KLF16: variants seen among roughly 807,000 people sequenced by gnomAD.
KLF16 encodes the protein Krueppel-like factor 16.
In KLF16, 6 loss-of-function variants were observed where a neutral mutation model predicts 6.1. The ratio of observed to expected loss-of-function variants is 0.98; its 90% CI spans 0.54 to 1.93. The LOEUF is 1.93. Ranked by LOEUF, KLF16 falls within the 30% of genes most tolerant of loss-of-function variation. KLF16 has a pLI of 0.01. For missense variants in KLF16, 355 were observed against 363.8 expected, an observed-to-expected ratio of 0.98 and a Z score of 0.20; for synonymous variants, 211 against 176.5, an observed-to-expected ratio of 1.20 and a Z score of -1.55.
At chr19:1,866,075 T>C (rs1005113763), upstream of KLF16, among the ~76,000 whole-genome samples, 4 of 144,692 alleles carry the variant, frequency 2.8e-5, no homozygotes, top group African/African-American at 1.0e-4. Flanking sequence ...AGGCCAAGGC[T>C]GGCAGATCAC....
At chr19:1,865,094 G>T (rs892414941), upstream of KLF16, among the ~76,000 whole-genome samples, 3 of 152,220 alleles carry the variant, frequency 2.0e-5, no homozygotes, top group African/African-American at 7.2e-5. Context: ...GCTCAACCAT[G>T]CTTGGTTAAG....
upstream of KLF16, among the ~76,000 whole-genome samples, chr19:1,865,341 G>A (rs572290179): frequency 1.5e-4 from 23 of 152,348 alleles, no homozygotes; most frequent in Admixed American, 1.0e-3. Flanking sequence ...CTAGGACGAT[G>A]GGCCACTTGG....
Position 1,863,168 on chromosome 19 carries a change from C to CGGGGACGAGGCGGCTGAG in KLF16, c.312_329dup (p.Ala106_Ser111dup), listed in dbSNP as rs778766785. ...CGGCGCCGGGGGCGCGGCCCGAGGA[C>CGGGGACGAGGCGGCTGAG]GGGGACGAGGCGGCTGAGGAGGAGG... On this transcript the variant is annotated inframe_insertion, in exon 1 of 2. Transcript: ENST00000250916. 2.2e-4 allele frequency: 283 copies of CGGGGACGAGGCGGCTGAG among 1,269,572 alleles called. 3 individuals are homozygous for CGGGGACGAGGCGGCTGAG. Among genetic ancestry groups the CGGGGACGAGGCGGCTGAG allele is most frequent in the Non-Finnish European group, 5.0e-5 (50 of 991,570 alleles). The allele number at this position is 1,269,572 out of a possible 1,614,324, so 78.6% of individuals were successfully genotyped here.
rs964746988 is a variant in KLF16, at chr19:1,854,367, C to G, written c.*92G>C. On this transcript the variant is annotated 3_prime_UTR_variant, in exon 2 of 2. Coordinates refer to ENST00000250916, the MANE Select transcript of KLF16 (RefSeq NM_031918.4). The stretch of plus-strand genomic sequence containing the variant: ...CAGGGGTGTCTTCAGGGTTTGCCCA[C>G]GGCTGGAAGGGGCCCAGGCTCCCCG... The G allele has an allele frequency of 1.5e-5, 20 of 1,347,488 alleles. No individual in the cohort carries two copies. The highest frequency in any genetic ancestry group is 1.8e-5 in the Non-Finnish European group (19 of 1,054,712). The allele number at this position is 1,347,488 out of a possible 1,614,324, so 83.5% of individuals were successfully genotyped here. A position where few individuals can be genotyped will look rare whatever the true frequency, so the allele number is the denominator to read the frequency against.
At chr19:1,865,629 C>G (rs1599198168), upstream of KLF16, among the ~76,000 whole-genome samples, 1 of 152,200 alleles carries the variant, frequency 6.6e-6, no homozygotes, top group Non-Finnish European at 1.5e-5. Flanking sequence ...CATTGTCTGC[C>G]CACTCCAGCC....
Position 1,853,473 on chromosome 19 carries a change from C to A in KLF16, c.*986G>T, listed in dbSNP as rs2011878636. On this transcript the variant is annotated 3_prime_UTR_variant, in exon 2 of 2. Transcript: ENST00000250916. ...CCCAGGCCCGGAAGAGCCTGCAACCCCGGCGGGCATGGGCTCCACGGCCCC... is the reference window on the plus strand; with the variant it reads ...CCCAGGCCCGGAAGAGCCTGCAACCACGGCGGGCATGGGCTCCACGGCCCC... 1 of 152,632 alleles carries A rather than the reference C, an allele frequency of 6.6e-6. No homozygotes were observed. The highest frequency in any genetic ancestry group is 1.5e-5 in the Non-Finnish European group (1 of 68,070). 9.5% of individuals were successfully genotyped at this position (152,632 alleles called of 1,614,324 possible). A position where few individuals can be genotyped will look rare whatever the true frequency, so the allele number is the denominator to read the frequency against.
At chr19:1,866,775 C>CAAAAAAA (rs10672007), upstream of KLF16, among the ~76,000 whole-genome samples, 1 of 86,852 alleles carries the variant, frequency 1.2e-5, no homozygotes, top group Admixed American at 1.4e-4. Context: ...GACCCTGTCT[C>CAAAAAAA]AAAAAAAAAA....
intron 1 of KLF16, chr19:1,862,153 A>G (rs2012078825): frequency 7.5e-6 from 1 of 133,636 alleles, no homozygotes; most frequent in South Asian, 2.7e-4. Flanking sequence ...AGGGCCGGCC[A>G]TCAAGGCCCA....
At position 1,856,963 on chromosome 19, in the gene KLF16, G is replaced by GGC. The variant is rs1466347651; in HGVS notation, c.458-2204_458-2203insGC. The stretch of plus-strand genomic sequence containing the variant: ...GGAGCAGGTTGCCGGGGTGGGGGGG[G>GGC]CGACCGGGGCAGGGGCGCGCAGCCG... On this transcript the variant is annotated intron_variant, in intron 1 of 1. Transcript: ENST00000250916. Among the ~76,000 whole-genome samples the GGC allele has an allele frequency of 1.2e-4, 14 of 117,466 alleles. 3 individuals carry two copies. The highest frequency in any genetic ancestry group is 6.2e-4 in the African/African-American group (14 of 22,582). The allele number at this position is 117,466 out of a possible 152,430, so 77.1% of individuals were successfully genotyped here.
At chr19:1,872,222 C>T in the KLF16 span, among the ~76,000 whole-genome samples, 1 of 152,304 alleles carries the variant, frequency 6.6e-6, no homozygotes, top group South Asian at 2.1e-4. Context: ...CCTCCGCCCC[C>T]TGGGTTCAAG....
the KLF16 span, among the ~76,000 whole-genome samples, chr19:1,871,118 G>A: frequency 1.3e-5 from 2 of 152,234 alleles, no homozygotes; most frequent in East Asian, 3.8e-4. Context: ...GAGACCCTGA[G>A]GCTGCTGGAG....
At position 1,852,535 on chromosome 19, in the gene KLF16, G is replaced by T. The variant is rs1177006832; in HGVS notation, c.*1924C>A. ...TGCAAACGGCTGGAACCAGGTCCCA[G>T]TGATCAGCGACTCCTGGGAGAGTGG... On this transcript the variant is annotated 3_prime_UTR_variant, in exon 2 of 2. Transcript: ENST00000250916. The T allele has an allele frequency of 6.6e-6, 1 of 152,204 alleles. No homozygotes were observed. Among genetic ancestry groups the T allele is most frequent in the East Asian group, 1.9e-4 (1 of 5,188 alleles). The allele number at this position is 152,204 out of a possible 1,614,324, so 9.4% of individuals were successfully genotyped here. A position where few individuals can be genotyped will look rare whatever the true frequency, so the allele number is the denominator to read the frequency against.
chr19:1,869,663 G>A, the KLF16 span, among the ~76,000 whole-genome samples: 1 of 152,326 alleles, frequency 6.6e-6, no homozygotes, highest in African/African-American at 2.4e-5. Context: ...CTGGAGTGCA[G>A]TGGAGCAATC....
upstream of KLF16, among the ~76,000 whole-genome samples, chr19:1,867,937 T>TGTGTGTGC (rs386388353): frequency 4.2e-5 from 6 of 142,852 alleles, no homozygotes; most frequent in African/African-American, 1.5e-4. Flanking sequence ...CGTGTGTGTG[T>TGTGTGTGC]GTGTGTGTGT....
the KLF16 span, chr19:1,875,150 C>T: frequency 2.0e-5 from 3 of 152,200 alleles, no homozygotes; most frequent in African/African-American, 4.8e-5. Context: ...AAATACAGCC[C>T]TCGCACTTCT....
rs1178521763 is a variant in KLF16, at chr19:1,853,691, G to A, written c.*768C>T. ...GGCGAGCTAGGGCCCCCACACCCGA[G>A]GACAGAGGAAAATAAATAAGCCAGG... On this transcript the variant is annotated 3_prime_UTR_variant, in exon 2 of 2. Transcript: ENST00000250916. 1.3e-5 allele frequency: 2 copies of A among 152,646 alleles called. No homozygotes were observed. Among genetic ancestry groups the A allele is most frequent in the African/African-American group, 2.4e-5 (1 of 41,436 alleles). The allele number at this position is 152,646 out of a possible 1,614,324, so 9.5% of individuals were successfully genotyped here. A position where few individuals can be genotyped will look rare whatever the true frequency, so the allele number is the denominator to read the frequency against.
chr19:1,864,274 G>A (rs891389304), upstream of KLF16, among the ~76,000 whole-genome samples: 4 of 138,560 alleles, frequency 2.9e-5, no homozygotes, highest in African/African-American at 5.9e-5. Flanking sequence ...CAGGCCACGT[G>A]CGCGACCCTT....
chr19:1,874,664 C>G, the KLF16 span, among the ~76,000 whole-genome samples: 1 of 124,666 alleles, frequency 8.0e-6, no homozygotes, highest in African/African-American at 3.1e-5. Flanking sequence ...CAAACAAAGT[C>G]AAAGACTAAT....
intron 1 of KLF16, among the ~76,000 whole-genome samples, chr19:1,858,460 T>A (rs1446225293): frequency 6.6e-6 from 1 of 152,128 alleles, no homozygotes; most frequent in African/African-American, 2.4e-5. Flanking sequence ...GGGTGTAATA[T>A]CTGCACCCCT....
Sources: gnomAD v4.1 joint callset for allele counts (sites outside exome capture counted in the v4.1 genomes callset) on GRCh38, gnomAD v4.1.1 for gene constraint, MANE v1.5 for transcripts, NCBI Gene and HGNC (gene_info 2026-07-23, HGNC 2026-07-21) for gene names.